Variants in SLC9C1 observed in about 807,000 individuals in gnomAD.
SLC9C1 encodes solute carrier family 9 member C1.
SLC9C1 carries 97 observed loss-of-function variants against 140.9 expected under a neutral mutation model. The observed-to-expected ratio is 0.69, with a 90% confidence interval of 0.58 to 0.82. The LOEUF (loss-of-function observed/expected upper bound fraction) is 0.82, where lower values mean the gene tolerates loss of function less well. Ranked by LOEUF, SLC9C1 falls within the 40% of genes least tolerant of loss-of-function variation. The pLI is 0.00. For synonymous variants in SLC9C1, 440 were observed against 442.6 expected (o/e 0.99, Z 0.07); for missense variants, 1,340 against 1,389.3 (o/e 0.96, Z 0.56).
chr3:112,293,273 T>C (rs2080741232), intron 1 of SLC9C1, among the ~76,000 whole-genome samples: 1 of 48,960 alleles, frequency 2.0e-5, no homozygotes, highest in South Asian at 1.1e-3. Flanking sequence ...GAGACTCTAT[T>C]TCAAATATAT....
chr3:112,245,896 T>A (rs1027578300), intron 10 of SLC9C1, among the ~76,000 whole-genome samples: 4 of 152,174 alleles, frequency 2.6e-5, no homozygotes, highest in South Asian at 2.1e-4. Flanking sequence ...GTCTTGCATA[T>A]TTTGGAAAGA....
intron 8 of SLC9C1, among the ~76,000 whole-genome samples, chr3:112,265,487 T>A (rs2079892845): frequency 6.6e-6 from 1 of 152,144 alleles, no homozygotes; most frequent in South Asian, 2.1e-4. Flanking sequence ...TTAAGCTTCT[T>A]ATATCAGAAT....
At chr3:112,214,166 C>T (rs2078287822) in intron 15 of SLC9C1, among the ~76,000 whole-genome samples, 1 of 152,140 alleles carries the variant, frequency 6.6e-6, no homozygotes, top group Non-Finnish European at 1.5e-5. Flanking sequence ...CCAATAAGAA[C>T]AAAGACACAG....
chr3:112,238,277 G>A (rs1239760226), intron 12 of SLC9C1, among the ~76,000 whole-genome samples: 10 of 152,168 alleles, frequency 6.6e-5, no homozygotes, highest in South Asian at 2.1e-4. Flanking sequence ...CATTCGTCAC[G>A]TAGTTCTCGT....
chr3:112,277,694 C>T lies in SLC9C1; in HGVS notation c.484+1G>A. On this transcript the variant is annotated splice_donor_variant, in intron 5 of 28. Coordinates refer to ENST00000305815, the MANE Select transcript of SLC9C1 (RefSeq NM_183061.3). LOFTEE classifies it high-confidence loss of function. The stretch of plus-strand genomic sequence containing the variant: ...ATAGAAAAAGAGAACAATATACCTA[C>T]CAAGGTCTCTTATAGCAGCTGCGGT... The T allele has an allele frequency of 6.4e-7, 1 of 1,559,344 alleles. No homozygotes were observed. The highest frequency in any genetic ancestry group is 8.6e-7 in the Non-Finnish European group (1 of 1,158,212).
At chr3:112,264,381 A>C in intron 8 of SLC9C1, 38 bp from the exon 9 acceptor site, 1 of 1,186,396 alleles carries the variant, frequency 8.4e-7, no homozygotes, top group Non-Finnish European at 1.1e-6. Context: ...ATTTATAATT[A>C]ATTAATTTGA....
At chr3:112,141,395 C>T in intron 28 of SLC9C1, 114 bp from the exon 29 acceptor site, 1 of 1,056,712 alleles carries the variant, frequency 9.5e-7, no homozygotes, top group Non-Finnish European at 1.3e-6. Flanking sequence ...CCATAAGACA[C>T]ACTTGGTCAT....
intron 11 of SLC9C1, 128 bp downstream of exon 11, chr3:112,243,867 T>C: frequency 1.7e-6 from 1 of 582,784 alleles, no homozygotes; most frequent in Non-Finnish European, 2.8e-6. Context: ...ATTTTTAAAC[T>C]TTTTGTAGAG....
intron 27 of SLC9C1, 118 bp downstream of exon 27, chr3:112,154,879 A>G (rs1157736659): frequency 7.6e-6 from 7 of 923,228 alleles, no homozygotes; most frequent in Non-Finnish European, 9.9e-6. Flanking sequence ...ACCAAAATCT[A>G]CAAAATGACT....
chr3:112,253,440 A>G (rs2079519802), intron 10 of SLC9C1, among the ~76,000 whole-genome samples: 1 of 152,158 alleles, frequency 6.6e-6, no homozygotes, highest in Non-Finnish European at 1.5e-5. Context: ...ACCAAGCAAG[A>G]GCCCACCAAC....
At position 112,196,172 on chromosome 3, in the gene SLC9C1, T is replaced by C. The variant is rs2077763694; in HGVS notation, c.2523+3149A>G. ...AAGTACAATTTTTCTGAATGTAAGA[T>C]TCTTGGCTGACACTTTTTTTTTTTT... On this transcript the variant is annotated intron_variant, in intron 20 of 28. Coordinates refer to ENST00000305815, the MANE Select transcript of SLC9C1 (RefSeq NM_183061.3). 2.0e-5 allele frequency among the ~76,000 whole-genome samples: 3 copies of C among 152,216 alleles called. No individual in the cohort carries two copies. In the South Asian group the frequency reaches 6.2e-4, roughly 32 times the overall value.
At chr3:112,185,569 G>T in intron 20 of SLC9C1, 1 of 1,611,844 alleles carries the variant, frequency 6.2e-7, no homozygotes, top group Non-Finnish European at 8.5e-7. Context: ...CACACTGTGG[G>T]CACCTGTGCC....
At chr3:112,171,734 A>G (rs2077250890) in intron 23 of SLC9C1, among the ~76,000 whole-genome samples, 1 of 152,182 alleles carries the variant, frequency 6.6e-6, no homozygotes, top group African/African-American at 2.4e-5. Context: ...TCTATAATTT[A>G]TATAGTTCTA....
intron 20 of SLC9C1, among the ~76,000 whole-genome samples, chr3:112,190,090 C>A (rs1010866697): frequency 1.3e-5 from 2 of 151,906 alleles, no homozygotes; most frequent in African/African-American, 4.8e-5. Flanking sequence ...TTTTGTATCC[C>A]GAGACTTTGC....
At chr3:112,178,752 A>G (rs893847606) in intron 23 of SLC9C1, among the ~76,000 whole-genome samples, 1 of 152,178 alleles carries the variant, frequency 6.6e-6, no homozygotes, top group Non-Finnish European at 1.5e-5. Context: ...TTCTATTAAC[A>G]TTCACTTAGT....
intron 17 of SLC9C1, among the ~76,000 whole-genome samples, 184 bp downstream of exon 17, chr3:112,204,034 A>G (rs1453359394): frequency 6.6e-6 from 1 of 152,006 alleles, no homozygotes; most frequent in African/African-American, 2.4e-5. Flanking sequence ...AATTCCTAAT[A>G]TAATTGGGAT....
At chr3:112,228,293 C>T (rs1560095642) in intron 13 of SLC9C1, among the ~76,000 whole-genome samples, 1 of 152,178 alleles carries the variant, frequency 6.6e-6, no homozygotes. Flanking sequence ...GGAACGTACA[C>T]TGGGGAAAGA....
intron 21 of SLC9C1, 151 bp from the exon 22 acceptor site, chr3:112,180,813 G>A: frequency 3.3e-6 from 2 of 601,516 alleles, no homozygotes. Flanking sequence ...TTGGCTCACT[G>A]CACCCTCCCC....
At chr3:112,237,514 T>G (rs563590130) in intron 12 of SLC9C1, among the ~76,000 whole-genome samples, 2 of 152,288 alleles carry the variant, frequency 1.3e-5, no homozygotes, top group African/African-American at 2.4e-5. Flanking sequence ...GTTAGCTGGT[T>G]ATTTTGCTCG....
Sources: gnomAD v4.1 joint callset for allele counts (sites outside exome capture counted in the v4.1 genomes callset) on GRCh38, gnomAD v4.1.1 for gene constraint, MANE v1.5 for transcripts, NCBI Gene and HGNC (gene_info 2026-07-23, HGNC 2026-07-21) for gene names.